ZSCAN32: variants seen among roughly 807,000 people sequenced by gnomAD.
The protein encoded by ZSCAN32 is zinc finger and SCAN domain-containing protein 32.
ZSCAN32 carries 52 observed loss-of-function variants against 47.4 expected under a neutral mutation model. The ratio of observed to expected loss-of-function variants is 1.10; its 90% CI spans 0.88 to 1.38. The LOEUF is 1.38. ZSCAN32 is among the 40% of genes most tolerant of loss of function. The probability of loss-of-function intolerance (pLI) is 0.00; values close to 1 mark genes in which losing one functional copy is unlikely to be tolerated. For synonymous variants in ZSCAN32, 346 were observed against 305.7 expected (o/e 1.13, Z -1.38); for missense variants, 959 against 846.0 (o/e 1.13, Z -1.66).
intron 2 of ZSCAN32, among the ~76,000 whole-genome samples, chr16:3,396,425 A>G (rs1596233493): frequency 6.6e-6 from 1 of 152,276 alleles, no homozygotes. Flanking sequence ...TCTGCTGCCT[A>G]GGGCCTTCCC....
At chr16:3,386,041 C>T (rs780721351) in intron 5 of ZSCAN32, among the ~76,000 whole-genome samples, 1 of 152,146 alleles carries the variant, frequency 6.6e-6, no homozygotes, top group Non-Finnish European at 1.5e-5. Context: ...TTGCAATCTA[C>T]TCATCTGACA....
At chr16:3,393,868 T>G in intron 2 of ZSCAN32, 54 bp from the exon 3 acceptor site, 5 of 1,445,276 alleles carry the variant, frequency 3.5e-6, no homozygotes, top group Non-Finnish European at 4.6e-6. Context: ...AGCTGGACTT[T>G]ACAACTCCTA....
chr16:3,393,660 TC>T lies in ZSCAN32; in HGVS notation c.520del (p.Glu174AsnfsTer142). On this transcript the variant is annotated frameshift_variant, in exon 3 of 7. Coordinates refer to ENST00000396852, the MANE Select transcript of ZSCAN32 (RefSeq NM_001284527.2). LOFTEE classifies it high-confidence loss of function. ...GSQSSHQRPG[E>X]QSEAWLAPQA... The stretch of plus-strand genomic sequence containing the variant: ...AGGCTTCTGCTTACCTTCTGACTGT[TC>T]CCCTGGTCTTTGGTGTGAGCTCTGT... 1.3e-6 allele frequency: 2 copies of T among 1,547,212 alleles called. No individual in the cohort carries two copies. Among genetic ancestry groups the T allele is most frequent in the Non-Finnish European group, 1.7e-6 (2 of 1,145,336 alleles).
At chr16:3,390,321 C>A (rs961395836) in intron 4 of ZSCAN32, 102 bp downstream of exon 4, 1 of 1,346,282 alleles carries the variant, frequency 7.4e-7, no homozygotes, top group Non-Finnish European at 1.0e-6. Context: ...ACCCGAGAAG[C>A]CCCATGGACC....
rs1321742845 is a variant in ZSCAN32, at chr16:3,382,199, G to C, written c.*653C>G. 1 of 152,194 alleles carries C rather than the reference G, an allele frequency of 6.6e-6. No individual in the cohort carries two copies. The highest frequency in any genetic ancestry group is 1.5e-5 in the Non-Finnish European group (1 of 68,030). The allele number at this position is 152,194 out of a possible 1,614,324, so 9.4% of individuals were successfully genotyped here. A position where few individuals can be genotyped will look rare whatever the true frequency, so the allele number is the denominator to read the frequency against. ...AATGTCTATAAACCACTTACTTTAAGAGACAATCAGGAACTATGATGAGGG... is the reference window on the plus strand; with the variant it reads ...AATGTCTATAAACCACTTACTTTAACAGACAATCAGGAACTATGATGAGGG... On this transcript the variant is annotated 3_prime_UTR_variant, in exon 7 of 7. Coordinates refer to ENST00000396852, the MANE Select transcript of ZSCAN32 (RefSeq NM_001284527.2).
Position 3,383,556 on chromosome 16 carries a change from GC to G in ZSCAN32, c.1389del (p.Arg463SerfsTer20), listed in dbSNP as rs1448430072. 6.2e-7 allele frequency: 1 copy of G among 1,613,890 alleles called. No homozygotes were observed. The highest frequency in any genetic ancestry group is 1.3e-5 in the African/African-American group (1 of 74,902). ...CTCTCCCCTGGAGAATTTCTACATTGCCTTCTTGATGTTGGCTCACTCTCCA... is the reference window on the plus strand; with the variant it reads ...CTCTCCCCTGGAGAATTTCTACATTGCTTCTTGATGTTGGCTCACTCTCCA... ...KGLESEPTSR[R>X]QCRNSPGESE... is the part of the protein sequence containing the mutation. On this transcript the variant is annotated frameshift_variant, in exon 7 of 7. Transcript: ENST00000396852. LOFTEE classifies it low-confidence loss of function (END_TRUNC).
chr16:3,398,947 G>C (rs1596242510), intron 1 of ZSCAN32, among the ~76,000 whole-genome samples: 1 of 152,124 alleles, frequency 6.6e-6, no homozygotes, highest in Admixed American at 6.5e-5. Context: ...CCTCGACCAG[G>C]CGTGGTGGCT....
intron 5 of ZSCAN32, among the ~76,000 whole-genome samples, chr16:3,385,281 GTGCCAC>G (rs1340193623): frequency 6.6e-6 from 1 of 152,158 alleles, no homozygotes; most frequent in Non-Finnish European, 1.5e-5. Flanking sequence ...AGCTGAGATT[GTGCCAC>G]TGCACTCCAG....
chr16:3,399,942 T>G (rs148545254), intron 1 of ZSCAN32, among the ~76,000 whole-genome samples: 47 of 152,300 alleles, frequency 3.1e-4, no homozygotes, highest in African/African-American at 1.1e-3. Context: ...TTGGTTTTTA[T>G]CTACTTAAAA....
At chr16:3,387,712 C>A (rs540370163) in intron 5 of ZSCAN32, among the ~76,000 whole-genome samples, 2 of 152,210 alleles carry the variant, frequency 1.3e-5, no homozygotes, top group Admixed American at 1.3e-4. Context: ...GGACCTTCTA[C>A]GGTCTACTTT....
chr16:3,393,620 C>G (rs1466048186), intron 3 of ZSCAN32, 29 bp downstream of exon 3: 7 of 1,502,768 alleles, frequency 4.7e-6, no homozygotes, highest in African/African-American at 1.4e-5. Context: ...CCTCACCTGC[C>G]TCAGGTGAGG....
chr16:3,391,679 C>CAA (rs71392831), intron 3 of ZSCAN32, among the ~76,000 whole-genome samples: 1 of 65,466 alleles, frequency 1.5e-5, no homozygotes, highest in Non-Finnish European at 3.1e-5. Flanking sequence ...AACTCCATCT[C>CAA]AAAAAAAAAA....
intron 1 of ZSCAN32, among the ~76,000 whole-genome samples, chr16:3,398,937 C>T (rs1289004532): frequency 6.6e-6 from 1 of 152,158 alleles, no homozygotes; most frequent in African/African-American, 2.4e-5. Context: ...AAAAAGTCCC[C>T]CTCGACCAGG....
chr16:3,384,989 A>G, intron 5 of ZSCAN32, 48 bp from the exon 6 acceptor site: 2 of 1,577,554 alleles, frequency 1.3e-6, no homozygotes, highest in Non-Finnish European at 1.7e-6. Context: ...TAGATCATGG[A>G]GGACTGTACA....
intron 2 of ZSCAN32, among the ~76,000 whole-genome samples, chr16:3,395,923 A>T (rs540019925): frequency 6.6e-6 from 1 of 152,220 alleles, no homozygotes; most frequent in Admixed American, 6.5e-5. Context: ...GCTTGAACCC[A>T]GGAGGCTGAG....
In ZSCAN32 at chr16:3,382,911, G is replaced by A; in HGVS notation, c.2035C>T (p.His679Tyr). 6.2e-7 allele frequency: 1 copy of A among 1,609,602 alleles called. No homozygotes were observed. Among genetic ancestry groups the A allele is most frequent in the Non-Finnish European group, 8.5e-7 (1 of 1,177,518 alleles). The change falls in exon 7 of 7, where the codon CAT (histidine) becomes TAT (tyrosine). Residue 679 changes from histidine (H) to tyrosine (Y), a missense_variant. Physicochemically the swap from His to Tyr is moderately conservative, Grantham distance 83 (BLOSUM62 2). Transcript: ENST00000396852. Reference sequence around the variant, plus strand: ...ACTGCTTTCATGTGTACTGTCTGATGACGGGTGAGGGCAGAGTTCTTAGTG... The same window carrying A: ...ACTGCTTTCATGTGTACTGTCTGATAACGGGTGAGGGCAGAGTTCTTAGTG... ...GFTKNSALTRHQTVHMKAVLS... is the reference protein window; with the variant it reads ...GFTKNSALTRYQTVHMKAVLS...
At chr16:3,387,024 G>A (rs1057322439) in intron 5 of ZSCAN32, among the ~76,000 whole-genome samples, 2 of 151,468 alleles carry the variant, frequency 1.3e-5, no homozygotes, top group East Asian at 3.9e-4. Context: ...AAATCTCACT[G>A]TGGCTTTTTG....
intron 1 of ZSCAN32, 75 bp from the exon 2 acceptor site, chr16:3,397,819 TCCC>T: frequency 7.2e-5 from 26 of 359,068 alleles, no homozygotes; most frequent in South Asian, 3.6e-4. Flanking sequence ...TTACTTCCTA[TCCC>T]TTTCCTTTAC....
chr16:3,386,301 G>A (rs2031980419), intron 5 of ZSCAN32, among the ~76,000 whole-genome samples: 2 of 152,204 alleles, frequency 1.3e-5, no homozygotes, highest in East Asian at 1.9e-4. Context: ...ACAGGTGCTG[G>A]AGAGGATGTG....
Sources: gnomAD v4.1 joint callset for allele counts (sites outside exome capture counted in the v4.1 genomes callset) on GRCh38, gnomAD v4.1.1 for gene constraint, MANE v1.5 for transcripts, NCBI Gene and HGNC (gene_info 2026-07-23, HGNC 2026-07-21) for gene names.